The following POU3F4 variants were observed in gnomAD, a reference collection of about 807,000 sequenced individuals.
The protein encoded by POU3F4 is POU domain, class 3, transcription factor 4.
Under a neutral mutation model 15.2 loss-of-function variants are expected in POU3F4, and 2 were observed. That is an observed-to-expected ratio of 0.13 (90% confidence interval 0.05 to 0.42). The LOEUF is 0.42. POU3F4 is among the 10% of genes least tolerant of loss of function. POU3F4 has a pLI of 0.99. For synonymous variants in POU3F4, 158 were observed against 133.3 expected (o/e 1.19, Z -1.28); for missense variants, 220 against 297.0 (o/e 0.74, Z 1.91).
chrX:83,511,573 T>G lies in POU3F4; in HGVS notation c.*2163T>G, dbSNP rs1366484087. The G allele has an allele frequency of 8.9e-6, 1 of 112,531 alleles. No individual in the cohort carries two copies. The highest frequency in any genetic ancestry group is 1.9e-5 in the Non-Finnish European group (1 of 53,333). The allele number at this position is 112,531 out of a possible 1,213,427, so 9.3% of individuals were successfully genotyped here. A position where few individuals can be genotyped will look rare whatever the true frequency, so the allele number is the denominator to read the frequency against. ...GTCGAAGAGCATGTGTTAATTCAAATCCCGGACCCTTCTACTTTTTTGTCA... is the reference window on the plus strand; with the variant it reads ...GTCGAAGAGCATGTGTTAATTCAAAGCCCGGACCCTTCTACTTTTTTGTCA... On this transcript the variant is annotated 3_prime_UTR_variant, in exon 1 of 1. Coordinates refer to ENST00000644024, the MANE Select transcript of POU3F4 (RefSeq NM_000307.5).
rs1925882135 is a variant in POU3F4 at position 83,510,271 on chromosome X, G to A, written c.*861G>A. 1.0e-5 allele frequency: 1 copy of A among 97,995 alleles called. No individual in the cohort carries two copies. Among genetic ancestry groups the A allele is most frequent in the South Asian group, 5.1e-4 (1 of 1,956 alleles). The allele number at this position is 97,995 out of a possible 1,213,427, so 8.1% of individuals were successfully genotyped here. A position where few individuals can be genotyped will look rare whatever the true frequency, so the allele number is the denominator to read the frequency against. On this transcript the variant is annotated 3_prime_UTR_variant, in exon 1 of 1. Coordinates refer to ENST00000644024, the MANE Select transcript of POU3F4 (RefSeq NM_000307.5). ...AGATGAATGGGAATAGGCGGGGAGA[G>A]AGATGCCTATCTACTCACCGCCCCC... is the stretch of plus-strand genomic sequence containing the variant.
chrX:83,509,491 T>C lies in POU3F4; in HGVS notation c.*81T>C. On this transcript the variant is annotated 3_prime_UTR_variant, in exon 1 of 1. Coordinates refer to ENST00000644024, the MANE Select transcript of POU3F4 (RefSeq NM_000307.5). ...CTCTCTCACTCTCTTCCTTTCATTC[T>C]AGTATTCTTTATTATTTTTCTCTCT... The C allele has an allele frequency of 1.8e-5, 20 of 1,129,876 alleles. No homozygotes were observed. The highest frequency in any genetic ancestry group is 2.4e-5 in the Non-Finnish European group (20 of 840,142). 93.1% of individuals were successfully genotyped at this position (1,129,876 alleles called of 1,213,427 possible). A position where few individuals can be genotyped will look rare whatever the true frequency, so the allele number is the denominator to read the frequency against.
rs762743111 is a variant in POU3F4 at position 83,508,298 on chromosome X, A to G, written c.-27A>G. 4.1e-6 allele frequency: 5 copies of G among 1,210,401 alleles called. No homozygotes were observed. In the African/African-American group the frequency reaches 5.2e-5, roughly 13 times the overall value. On this transcript the variant is annotated 5_prime_UTR_variant, in exon 1 of 1. Coordinates refer to ENST00000644024, the MANE Select transcript of POU3F4 (RefSeq NM_000307.5). ...CTGAAGCTGCTCCCTTTGCCACATT[A>G]TAACTAGTAGGGGATCCTCACCGAC...
chrX:83,508,804 G>C lies in POU3F4; in HGVS notation c.480G>C (p.Gln160His). The C allele has an allele frequency of 8.3e-7, 1 of 1,206,627 alleles. No homozygotes were observed. The highest frequency in any genetic ancestry group is 1.1e-6 in the Non-Finnish European group (1 of 892,687). Reference sequence around the variant, plus strand: ...CACCTCCAGCTGCCGCCTCTGCACAGAGCCTGCACCCGGTGCTCCGAGAGC... The same window carrying C: ...CACCTCCAGCTGCCGCCTCTGCACACAGCCTGCACCCGGTGCTCCGAGAGC... ...LTPPPAAASAQSLHPVLREPP... is the reference protein window; with the variant it reads ...LTPPPAAASAHSLHPVLREPP... Residue 160 changes from glutamine (Q) to histidine (H), a missense_variant, in exon 1 of 1, where the codon CAG (glutamine) becomes CAC (histidine). Physicochemically the swap from Gln to His is conservative, Grantham distance 24. Transcript: ENST00000644024.
rs1304011557 is a variant in POU3F4 at position 83,508,887 on chromosome X, C to T, written c.563C>T (p.Thr188Met). 5.0e-6 allele frequency: 6 copies of T among 1,211,667 alleles called. No individual in the cohort carries two copies. Among genetic ancestry groups the T allele is most frequent in the Non-Finnish European group, 6.7e-6 (6 of 895,385 alleles). The change falls in exon 1 of 1, where the codon ACG (threonine) becomes ATG (methionine). Residue 188 changes from threonine (T) to methionine (M), a missense_variant. Physicochemically the swap from Thr to Met is moderately conservative, Grantham distance 81 (BLOSUM62 -1). Around this residue, in one of 5 missense-constraint regions of POU3F4, gnomAD observed 14 missense variants for 65.2 expected, o/e 0.21. Coordinates refer to ENST00000644024, the MANE Select transcript of POU3F4 (RefSeq NM_000307.5). ...HHCQDHSDEE[T>M]PTSDELEQFA... ...TGCCAGGATCACTCCGACGAGGAGACGCCAACCTCTGATGAGTTGGAACAG... is the reference window on the plus strand; with the variant it reads ...TGCCAGGATCACTCCGACGAGGAGATGCCAACCTCTGATGAGTTGGAACAG...
rs1925831342 is a variant in POU3F4, at chrX:83,508,575, G to C, written c.251G>C (p.Gly84Ala). ...SPLDQQDVKP[G>A]REDLQLGAII... is the part of the protein sequence containing the mutation. Reference sequence around the variant, plus strand: ...CTGGACCAGCAGGACGTGAAGCCCGGGCGCGAAGACCTGCAACTGGGTGCG... The same window carrying C: ...CTGGACCAGCAGGACGTGAAGCCCGCGCGCGAAGACCTGCAACTGGGTGCG... The change falls in exon 1 of 1, where the codon GGG becomes GCG. Residue 84 changes from glycine (G) to alanine (A), a missense_variant. By Grantham distance (60) the Gly-to-Ala change is moderately conservative. Transcript: ENST00000644024. 8.3e-7 allele frequency: 1 copy of C among 1,207,045 alleles called. No homozygotes were observed. Among genetic ancestry groups the C allele is most frequent in the Middle Eastern group, 2.3e-4 (1 of 4,346 alleles).
Position 83,509,500 on chromosome X carries a change from T to C in POU3F4, c.*90T>C. 1 of 1,124,979 alleles carries C rather than the reference T, an allele frequency of 8.9e-7. No individual in the cohort carries two copies. Among genetic ancestry groups the C allele is most frequent in the Non-Finnish European group, 1.2e-6 (1 of 836,970 alleles). 92.7% of individuals were successfully genotyped at this position (1,124,979 alleles called of 1,213,427 possible). On this transcript the variant is annotated 3_prime_UTR_variant, in exon 1 of 1. Transcript: ENST00000644024. ...TCTCTTCCTTTCATTCTAGTATTCTTTATTATTTTTCTCTCTCTCTCGTTC... is the reference window on the plus strand; with the variant it reads ...TCTCTTCCTTTCATTCTAGTATTCTCTATTATTTTTCTCTCTCTCTCGTTC...
chrX:83,511,546 A>G lies in POU3F4; in HGVS notation c.*2136A>G, dbSNP rs901289545. On this transcript the variant is annotated 3_prime_UTR_variant, in exon 1 of 1. Transcript: ENST00000644024. ...ACCACACTGTGTCTCCCTCAGCTGC[A>G]GGTCGAAGAGCATGTGTTAATTCAA... 8.0e-5 allele frequency: 9 copies of G among 112,886 alleles called. No individual in the cohort carries two copies. The highest frequency in any genetic ancestry group is 2.6e-4 in the African/African-American group (8 of 31,072). The allele number at this position is 112,886 out of a possible 1,213,427, so 9.3% of individuals were successfully genotyped here.
At position 83,511,934 on chromosome X, in the gene POU3F4, C is replaced by T. The variant is rs1012110647; in HGVS notation, c.*2524C>T. 8.9e-6 allele frequency: 1 copy of T among 112,275 alleles called. No individual in the cohort carries two copies. Among genetic ancestry groups the T allele is most frequent in the African/African-American group, 3.2e-5 (1 of 30,929 alleles). 9.3% of individuals were successfully genotyped at this position (112,275 alleles called of 1,213,427 possible). A position where few individuals can be genotyped will look rare whatever the true frequency, so the allele number is the denominator to read the frequency against. ...TCAAATTGCCTATTGCAGTTGCCAACAATTATTTATTTTCAATAAATTCTG... is the reference window on the plus strand; with the variant it reads ...TCAAATTGCCTATTGCAGTTGCCAATAATTATTTATTTTCAATAAATTCTG... On this transcript the variant is annotated 3_prime_UTR_variant, in exon 1 of 1. Transcript: ENST00000644024.
At position 83,511,488 on chromosome X, in the gene POU3F4, A is replaced by AT. The variant is rs1170974012; in HGVS notation, c.*2079dup. 4 of 112,461 alleles carry AT rather than the reference A, an allele frequency of 3.6e-5. No individual in the cohort carries two copies. Among genetic ancestry groups the AT allele is most frequent in the Non-Finnish European group, 5.6e-5 (3 of 53,318 alleles). The allele number at this position is 112,461 out of a possible 1,213,427, so 9.3% of individuals were successfully genotyped here. A position where few individuals can be genotyped will look rare whatever the true frequency, so the allele number is the denominator to read the frequency against. ...AGAAAGCCCGGCCCGGTTGTCGAGG[A>AT]TGCGTTAGTATGAGTTGCCAGGCCT... On this transcript the variant is annotated 3_prime_UTR_variant, in exon 1 of 1. Coordinates refer to ENST00000644024, the MANE Select transcript of POU3F4 (RefSeq NM_000307.5).
At position 83,511,646 on chromosome X, in the gene POU3F4, T is replaced by A. The variant is rs1383283382; in HGVS notation, c.*2236T>A. ...TTAGGTTTTAGTTCTGGGATTTTAT[T>A]TTTTTTTCCCCCACACTGAGTTCAT... On this transcript the variant is annotated 3_prime_UTR_variant, in exon 1 of 1. Transcript: ENST00000644024. 1 of 111,861 alleles carries A rather than the reference T, an allele frequency of 8.9e-6. No individual in the cohort carries two copies. The highest frequency in any genetic ancestry group is 1.9e-5 in the Non-Finnish European group (1 of 53,149). The allele number at this position is 111,861 out of a possible 1,213,427, so 9.2% of individuals were successfully genotyped here. A position where few individuals can be genotyped will look rare whatever the true frequency, so the allele number is the denominator to read the frequency against.
chrX:83,508,681 A>G lies in POU3F4; in HGVS notation c.357A>G (p.Ala119=), dbSNP rs759663098. Residue 119 remains alanine, a synonymous_variant, in exon 1 of 1, where the codon GCA becomes GCG. Transcript: ENST00000644024. The part of the protein sequence containing the change: ...NHPNAWGASP[A]PNPSITSSGQ... Reference sequence around the variant, plus strand: ...CCAACGCCTGGGGGGCCAGCCCGGCACCGAACCCGTCTATCACGTCAAGCG... The same window carrying G: ...CCAACGCCTGGGGGGCCAGCCCGGCGCCGAACCCGTCTATCACGTCAAGCG... 1 of 1,210,309 alleles carries G rather than the reference A, an allele frequency of 8.3e-7. No homozygotes were observed. Among genetic ancestry groups the G allele is most frequent in the African/African-American group, 1.7e-5 (1 of 57,410 alleles).
In POU3F4 at chrX:83,508,617, C is replaced by T. The variant is rs773886219; in HGVS notation, c.293C>T (p.Ser98Leu). The T allele has an allele frequency of 4.1e-6, 5 of 1,209,487 alleles. No homozygotes were observed. The Admixed American group carries it at 8.7e-5, about 21-fold the overall frequency. Residue 98 changes from serine to leucine, a missense_variant, in exon 1 of 1, where the codon TCG becomes TTG. Transcript: ENST00000644024. ...LQLGAIIHHRSPHVAHHSPHT... is the reference protein window; with the variant it reads ...LQLGAIIHHRLPHVAHHSPHT... ...CTGGGTGCGATCATCCATCACCGCT[C>T]GCCACACGTAGCCCACCACTCACCG...
chrX:83,508,565 G>T lies in POU3F4; in HGVS notation c.241G>T (p.Val81Leu). 1 of 1,205,692 alleles carries T rather than the reference G, an allele frequency of 8.3e-7. No individual in the cohort carries two copies. Among genetic ancestry groups the T allele is most frequent in the Non-Finnish European group, 1.1e-6 (1 of 892,413 alleles). The change falls in exon 1 of 1, where the codon GTG becomes TTG. Residue 81 changes from valine to leucine, a missense_variant. Coordinates refer to ENST00000644024, the MANE Select transcript of POU3F4 (RefSeq NM_000307.5). Reference sequence around the variant, plus strand: ...CACCAGCCCCCTGGACCAGCAGGACGTGAAGCCCGGGCGCGAAGACCTGCA... The same window carrying T: ...CACCAGCCCCCTGGACCAGCAGGACTTGAAGCCCGGGCGCGAAGACCTGCA... ...LATSPLDQQDVKPGREDLQLG... is the reference protein window; with the variant it reads ...LATSPLDQQDLKPGREDLQLG...
In POU3F4 at chrX:83,508,450, C is replaced by A. The variant is rs762593341; in HGVS notation, c.126C>A (p.Tyr42Ter). The A allele has an allele frequency of 8.3e-7, 1 of 1,210,954 alleles. No homozygotes were observed. The highest frequency in any genetic ancestry group is 1.1e-6 in the Non-Finnish European group (1 of 895,018). Residue 42 changes from tyrosine to a stop codon, truncating the protein, a stop_gained, in exon 1 of 1, where the codon TAC (tyrosine) becomes TAA (stop). Transcript: ENST00000644024. LOFTEE classifies it high-confidence loss of function. Reference protein sequence around the residue: ...RNPQKLLQSDYLQGVPSNGHP... With the variant: ...RNPQKLLQSD ...CTCAGAAACTTCTCCAAAGTGATTA[C>A]TTGCAGGGAGTTCCCAGCAATGGGC...
Position 83,509,669 on chromosome X carries a change from C to CCTTTCCTTTCTTTTCTTTTG in POU3F4, c.*270_*289dup. 2.5e-6 allele frequency: 1 copy of CCTTTCCTTTCTTTTCTTTTG among 406,029 alleles called. No individual in the cohort carries two copies. Among genetic ancestry groups the CCTTTCCTTTCTTTTCTTTTG allele is most frequent in the Non-Finnish European group, 4.3e-6 (1 of 234,620 alleles). 33.5% of individuals were successfully genotyped at this position (406,029 alleles called of 1,213,427 possible). On this transcript the variant is annotated 3_prime_UTR_variant, in exon 1 of 1. Coordinates refer to ENST00000644024, the MANE Select transcript of POU3F4 (RefSeq NM_000307.5). ...TCCCTTCCCTTCCATCTCTTCCTTT[C>CCTTTCCTTTCTTTTCTTTTG]CTTTCCTTTCTTTTCTTTTGCTTTC...
rs1925856326 is a variant in POU3F4 at position 83,509,374 on chromosome X, C to T, written c.1050C>T (p.His350=). 8.3e-7 allele frequency: 1 copy of T among 1,206,183 alleles called. No homozygotes were observed. Among genetic ancestry groups the T allele is most frequent in the Non-Finnish European group, 1.1e-6 (1 of 892,392 alleles). ...AGCAGCCGCATGAGGTTTATTCGCA[C>T]ACCGTGAAAACAGACACATCTTGCC... ...GDQQPHEVYS[H]TVKTDTSCHD... Residue 350 remains histidine (H), a synonymous_variant, in exon 1 of 1, where the codon CAC becomes CAT. Transcript: ENST00000644024.
rs1427210491 is a variant in POU3F4 at position 83,509,864 on chromosome X, C to A, written c.*454C>A. ...CTCCCCGGGCAACAGTTCCCTTTAG[C>A]CTTTTCTGCTGATCAATACATATTG... On this transcript the variant is annotated 3_prime_UTR_variant, in exon 1 of 1. Transcript: ENST00000644024. 7.0e-6 allele frequency: 1 copy of A among 141,901 alleles called. No homozygotes were observed. The highest frequency in any genetic ancestry group is 3.4e-5 in the African/African-American group (1 of 29,292). 11.7% of individuals were successfully genotyped at this position (141,901 alleles called of 1,213,427 possible). A position where few individuals can be genotyped will look rare whatever the true frequency, so the allele number is the denominator to read the frequency against.
In POU3F4 at chrX:83,510,641, T is replaced by C. The variant is rs1925892241; in HGVS notation, c.*1231T>C. 1 of 111,600 alleles carries C rather than the reference T, an allele frequency of 9.0e-6. No individual in the cohort carries two copies. Among genetic ancestry groups the C allele is most frequent in the African/African-American group, 3.3e-5 (1 of 30,653 alleles). The allele number at this position is 111,600 out of a possible 1,213,427, so 9.2% of individuals were successfully genotyped here. A position where few individuals can be genotyped will look rare whatever the true frequency, so the allele number is the denominator to read the frequency against. ...CAGAAATCCAGGCCCCCAGCCTCGC[T>C]AGGGCGACCTTCCGCGCGACCTCAC... On this transcript the variant is annotated 3_prime_UTR_variant, in exon 1 of 1. Coordinates refer to ENST00000644024, the MANE Select transcript of POU3F4 (RefSeq NM_000307.5).
Sources: gnomAD v4.1 joint callset for allele counts on GRCh38, gnomAD v4.1.1 for gene constraint, gnomAD v4.1.1 regional missense constraint, MANE v1.5 for transcripts, NCBI Gene and HGNC (gene_info 2026-07-23, HGNC 2026-07-21) for gene names.